Variants in HSPA4 observed in about 807,000 individuals in gnomAD.
The protein encoded by HSPA4 is heat shock 70 kDa protein 4.
A neutral mutation model predicts 106.2 loss-of-function variants in HSPA4; 25 were observed. The observed-to-expected ratio is 0.24, with a 90% CI of 0.17 to 0.33. The LOEUF (loss-of-function observed/expected upper bound fraction) is 0.33. Ranked by LOEUF, HSPA4 falls within the 10% of genes least tolerant of loss-of-function variation. The pLI, the probability that HSPA4 is intolerant of heterozygous loss-of-function variation, is 1.00. For missense variants in HSPA4, 841 were observed against 996.0 expected (o/e 0.84, Z 2.10); for synonymous variants, 332 against 333.6 (o/e 1.00, Z 0.05).
intron 7 of HSPA4, among the ~76,000 whole-genome samples, chr5:133,085,017 C>T (rs1235553660): frequency 6.6e-6 from 1 of 152,060 alleles, no homozygotes; most frequent in African/African-American, 2.4e-5. Context: ...CTGTGTTGTC[C>T]AGGCTGGTCT....
rs190862697 is a variant in HSPA4 at position 133,061,270 on chromosome 5, C to T, written c.108-3710C>T. On this transcript the variant is annotated intron_variant, in intron 1 of 18. Transcript: ENST00000304858. ...CCCAAGTAGCTGGGACTACAGGCGCCCGCCACCATGCCTGGCTAATTTTTT... is the reference window on the plus strand; with the variant it reads ...CCCAAGTAGCTGGGACTACAGGCGCTCGCCACCATGCCTGGCTAATTTTTT... Among the ~76,000 whole-genome samples the T allele has an allele frequency of 6.3e-3, 954 of 150,658 alleles. 6 individuals are homozygous for T. The highest frequency in any genetic ancestry group is 0.011 in the Non-Finnish European group (724 of 67,438).
chr5:133,073,881 A>C, intron 5 of HSPA4, 112 bp from the exon 6 acceptor site: 3 of 609,934 alleles, frequency 4.9e-6, no homozygotes, highest in Non-Finnish European at 5.2e-6. Flanking sequence ...TTGATTTCTA[A>C]AACATAACAC....
At position 133,086,695 on chromosome 5, in the gene HSPA4, C is replaced by A; in HGVS notation, c.909-87C>A. 3.4e-6 allele frequency: 3 copies of A among 894,108 alleles called. No homozygotes were observed. In the East Asian group the frequency reaches 7.3e-5, roughly 22 times the overall value. The allele number at this position is 894,108 out of a possible 1,614,324, so 55.4% of individuals were successfully genotyped here. Reference sequence around the variant, plus strand: ...ACATTTTGCCAGCACTTGTTGTTACCTGTTTTTTATTATAGCCATCCATTC... The same window carrying A: ...ACATTTTGCCAGCACTTGTTGTTACATGTTTTTTATTATAGCCATCCATTC... On this transcript the variant is annotated intron_variant, in intron 7 of 18. Transcript: ENST00000304858.
intron 4 of HSPA4, among the ~76,000 whole-genome samples, chr5:133,071,126 A>T (rs531577478): frequency 5.3e-5 from 8 of 151,826 alleles, no homozygotes; most frequent in African/African-American, 1.9e-4. Flanking sequence ...CTAATTGTAA[A>T]TGGCACTTGT....
At chr5:133,070,339 T>G in intron 3 of HSPA4, 35 bp from the exon 4 acceptor site, 1 of 1,581,328 alleles carries the variant, frequency 6.3e-7, no homozygotes, top group Non-Finnish European at 8.5e-7. Flanking sequence ...GAAAGAAATA[T>G]AATAAGTCTA....
intron 6 of HSPA4, among the ~76,000 whole-genome samples, chr5:133,074,403 C>T (rs976477784): frequency 1.2e-4 from 18 of 152,002 alleles, no homozygotes; most frequent in African/African-American, 3.6e-4. Context: ...CTCAGCCTCC[C>T]TAGTAGCTGG....
Position 133,052,132 on chromosome 5 carries a change from G to A in HSPA4, c.-119G>A. ...GGACTTAGGCGCTCGCGTGGACACC[G>A]CAAGCCCCTCAGTAGCCTCGGCCCA... On this transcript the variant is annotated 5_prime_UTR_variant, in exon 1 of 19. Transcript: ENST00000304858. 2 of 679,120 alleles carry A rather than the reference G, an allele frequency of 2.9e-6. No homozygotes were observed. The highest frequency in any genetic ancestry group is 5.1e-6 in the Non-Finnish European group (2 of 394,668). The allele number at this position is 679,120 out of a possible 1,614,324, so 42.1% of individuals were successfully genotyped here.
At chr5:133,089,779 T>A in intron 11 of HSPA4, 84 bp downstream of exon 11, 1 of 1,107,062 alleles carries the variant, frequency 9.0e-7, no homozygotes, top group Non-Finnish European at 1.3e-6. Context: ...TTTGAAAGGC[T>A]AAGGTGGGAG....
rs775378874 is a variant in HSPA4 at position 133,088,384 on chromosome 5, G to A, written c.986-20G>A. The A allele has an allele frequency of 2.0e-6, 3 of 1,528,080 alleles. No individual in the cohort carries two copies. Among genetic ancestry groups the A allele is most frequent in the Non-Finnish European group, 2.7e-6 (3 of 1,107,370 alleles). The allele number at this position is 1,528,080 out of a possible 1,614,324, so 94.7% of individuals were successfully genotyped here. A position where few individuals can be genotyped will look rare whatever the true frequency, so the allele number is the denominator to read the frequency against. ...TTCTTTCATTTCATTAAAAAAATCT[G>A]TCTAATTCTTTAAAAATAGAGTTAA... On this transcript the variant is annotated intron_variant, in intron 8 of 18. Coordinates refer to ENST00000304858, the MANE Select transcript of HSPA4 (RefSeq NM_002154.4).
In HSPA4 at chr5:133,086,800, G is replaced by C. The variant is rs1055325328; in HGVS notation, c.927G>C (p.Met309Ile). Residue 309 changes from methionine to isoleucine, a missense_variant, in exon 8 of 19, where the codon ATG becomes ATC. Coordinates refer to ENST00000304858, the MANE Select transcript of HSPA4 (RefSeq NM_002154.4). Reference protein sequence around the residue: ...GTMNRGKFLEMCNDLLARVEP... With the variant: ...GTMNRGKFLEICNDLLARVEP... ...TTTATAGAGGCAAATTTCTGGAGATGTGCAATGATCTCTTAGCTAGAGTGG... is the reference window on the plus strand; with the variant it reads ...TTTATAGAGGCAAATTTCTGGAGATCTGCAATGATCTCTTAGCTAGAGTGG... 6.2e-7 allele frequency: 1 copy of C among 1,613,392 alleles called. No individual in the cohort carries two copies. The highest frequency in any genetic ancestry group is 8.5e-7 in the Non-Finnish European group (1 of 1,179,510).
At chr5:133,053,778 G>A (rs1003714121) in intron 1 of HSPA4, among the ~76,000 whole-genome samples, 3 of 152,004 alleles carry the variant, frequency 2.0e-5, no homozygotes, top group Non-Finnish European at 4.4e-5. Flanking sequence ...TCCTGCCTCA[G>A]TCTCCTGAGG....
intron 3 of HSPA4, 76 bp downstream of exon 3, chr5:133,067,633 T>C (rs1765325123): frequency 1.6e-6 from 2 of 1,243,944 alleles, no homozygotes; most frequent in South Asian, 1.5e-5. Context: ...ATCTGTACTT[T>C]TCTGATGTCA....
intron 17 of HSPA4, among the ~76,000 whole-genome samples, chr5:133,103,336 C>T (rs62375247): frequency 0.24 from 35,946 of 151,090 alleles, 4,362 homozygotes; most frequent in Middle Eastern, 0.27. Flanking sequence ...AGATTACGAG[C>T]GTGAGCCACC....
At chr5:133,054,059 T>G (rs1765127161) in intron 1 of HSPA4, among the ~76,000 whole-genome samples, 1 of 152,090 alleles carries the variant, frequency 6.6e-6, no homozygotes, top group East Asian at 1.9e-4. Flanking sequence ...AGTCTCACAT[T>G]TCCTTTCCAC....
At chr5:133,092,252 C>T (rs1437726303) in intron 12 of HSPA4, among the ~76,000 whole-genome samples, 4 of 152,108 alleles carry the variant, frequency 2.6e-5, no homozygotes, top group East Asian at 3.8e-4. Flanking sequence ...TTCGCCTCCC[C>T]GAGCACATGC....
At chr5:133,067,648 G>A (rs918012294) in intron 3 of HSPA4, 91 bp downstream of exon 3, 5 of 1,157,162 alleles carry the variant, frequency 4.3e-6, no homozygotes, top group Non-Finnish European at 6.1e-6. Flanking sequence ...ATGTCAGATT[G>A]CAATGAAAAT....
chr5:133,076,452 A>G (rs1765446802), intron 6 of HSPA4, among the ~76,000 whole-genome samples: 1 of 152,172 alleles, frequency 6.6e-6, no homozygotes, highest in South Asian at 2.1e-4. Flanking sequence ...GGTCTGTAGC[A>G]TTATCTGTAA....
Position 133,089,051 on chromosome 5 carries a change from C to T in HSPA4, c.1138-4C>T, listed in dbSNP as rs72667113. On this transcript the variant is annotated splice_polypyrimidine_tract_variant and splice_region_variant and intron_variant, in intron 9 of 18. Transcript: ENST00000304858. ...AACGGAATTTTTGAAAATTATTATT[C>T]TAGTGTGCCATCTTATCGCCTGCTT... 24,755 of 1,546,502 alleles carry T rather than the reference C, an allele frequency of 0.016. 2,091 individuals are homozygous for T. The East Asian group carries it at 0.27, about 17-fold the overall frequency.
At chr5:133,101,568 A>G (rs1765785297) in intron 16 of HSPA4, 191 bp from the exon 17 acceptor site, 1 of 498,056 alleles carries the variant, frequency 2.0e-6, no homozygotes, top group South Asian at 3.0e-5. Flanking sequence ...GCGATTCCAG[A>G]TGGATCAGTG....
Sources: gnomAD v4.1 joint callset for allele counts (sites outside exome capture counted in the v4.1 genomes callset) on GRCh38, gnomAD v4.1.1 for gene constraint, MANE v1.5 for transcripts, NCBI Gene and HGNC (gene_info 2026-07-23, HGNC 2026-07-21) for gene names.